DSCAM: variants seen among roughly 807,000 people sequenced by gnomAD.
DSCAM encodes cell adhesion molecule DSCAM.
In DSCAM, 47 loss-of-function variants were observed where a neutral mutation model predicts 217.7. The ratio of observed to expected loss-of-function variants is 0.22; its 90% confidence interval spans 0.17 to 0.28. The LOEUF (loss-of-function observed/expected upper bound fraction) is 0.28. Ranked by LOEUF, DSCAM falls within the 10% of genes least tolerant of loss-of-function variation. The pLI is 1.00. For synonymous variants in DSCAM, 1,056 were observed against 1,015.3 expected (o/e 1.04, Z -0.76); for missense variants, 2,080 against 2,618.3 (o/e 0.79, Z 4.49).
At chr21:40,060,294 T>C (rs934830348) in intron 28 of DSCAM, among the ~76,000 whole-genome samples, 1 of 152,238 alleles carries the variant, frequency 6.6e-6, no homozygotes, top group Non-Finnish European at 1.5e-5. Flanking sequence ...TGCTTGCTAA[T>C]GTCTTTCTCA....
chr21:40,079,123 C>T, intron 25 of DSCAM, 146 bp from the exon 26 acceptor site: 1 of 842,722 alleles, frequency 1.2e-6, no homozygotes, highest in Non-Finnish European at 1.8e-6. Flanking sequence ...AACTTGTCCC[C>T]TGTTAATAGA....
At chr21:40,290,813 T>C (rs2073882749) in intron 10 of DSCAM, among the ~76,000 whole-genome samples, 1 of 151,772 alleles carries the variant, frequency 6.6e-6, no homozygotes, top group Admixed American at 6.6e-5. Flanking sequence ...CAGAAAGAGG[T>C]TGGAATATTC....
At position 40,800,660 on chromosome 21, in the gene DSCAM, A is replaced by G. The variant is rs183485349; in HGVS notation, c.43+45959T>C. The stretch of plus-strand genomic sequence containing the variant: ...GCTTTATGGAAGGCCAAACTTAAGA[A>G]TGATGAACTAGGATATCTGACACAA... On this transcript the variant is annotated intron_variant, in intron 1 of 32. Coordinates refer to ENST00000400454, the MANE Select transcript of DSCAM (RefSeq NM_001389.5). 1.9e-3 allele frequency among the ~76,000 whole-genome samples: 285 copies of G among 152,006 alleles called. 1 individual carries two copies. The highest frequency in any genetic ancestry group is 3.4e-3 in the Middle Eastern group (1 of 292).
Position 40,376,589 on chromosome 21 carries a change from T to TAG in DSCAM, c.509-7345_509-7344insCT, listed in dbSNP as rs1555911108. ...ATCTTATATCGATATCTATATATCTTATATCGATATCTATATATCTTATAT... is the reference window on the plus strand; with the variant it reads ...ATCTTATATCGATATCTATATATCTTAGATATCGATATCTATATATCTTATAT... On this transcript the variant is annotated intron_variant, in intron 3 of 32. Transcript: ENST00000400454. 2.3e-3 allele frequency among the ~76,000 whole-genome samples: 32 copies of TAG among 14,052 alleles called. 1 individual carries two copies. Among genetic ancestry groups the TAG allele is most frequent in the African/African-American group, 6.7e-3 (24 of 3,596 alleles). 9.2% of individuals were successfully genotyped at this position (14,052 alleles called of 152,430 possible). A position where few individuals can be genotyped will look rare whatever the true frequency, so the allele number is the denominator to read the frequency against.
chr21:40,463,361 T>C (rs1372216983), intron 3 of DSCAM, among the ~76,000 whole-genome samples: 1 of 152,138 alleles, frequency 6.6e-6, no homozygotes, highest in Non-Finnish European at 1.5e-5. Context: ...CTTCTGTCCA[T>C]CTCAATCAGC....
intron 27 of DSCAM, among the ~76,000 whole-genome samples, chr21:40,071,640 AT>A (rs2146537280): frequency 6.6e-6 from 1 of 152,282 alleles, no homozygotes; most frequent in East Asian, 1.9e-4. Flanking sequence ...TCCATTTTTG[AT>A]CCTGATAGAT....
In DSCAM at chr21:40,109,622, C is replaced by T. The variant is rs368990731; in HGVS notation, c.3696+14573G>A. Among the ~76,000 whole-genome samples, 97 of 152,334 alleles carry T rather than the reference C, an allele frequency of 6.4e-4. 1 individual carries two copies. The highest frequency in any genetic ancestry group is 2.7e-3 in the South Asian group (13 of 4,822). On this transcript the variant is annotated intron_variant, in intron 20 of 32. Coordinates refer to ENST00000400454, the MANE Select transcript of DSCAM (RefSeq NM_001389.5). ...CATGAGGCAAAGCAGGGCGAGGCAT[C>T]GCCTCACCCAGGAAGCACAAGGGTT...
chr21:40,152,235 G>A (rs16999381), intron 16 of DSCAM, among the ~76,000 whole-genome samples: 8,881 of 152,240 alleles, frequency 0.058, 444 homozygotes, highest in African/African-American at 0.13. Context: ...ATGTGTTTAA[G>A]TTAAAGAAAT....
At chr21:40,586,340 G>A (rs572211295) in intron 3 of DSCAM, among the ~76,000 whole-genome samples, 2 of 152,298 alleles carry the variant, frequency 1.3e-5, no homozygotes, top group South Asian at 2.1e-4. Flanking sequence ...CCAGTCTCAC[G>A]TAATCCTTTA....
intron 16 of DSCAM, among the ~76,000 whole-genome samples, chr21:40,158,733 A>G (rs1361883633): frequency 6.6e-6 from 1 of 152,250 alleles, no homozygotes; most frequent in East Asian, 1.9e-4. Flanking sequence ...TCAAATTGTT[A>G]CTGGCAGGCA....
At chr21:40,508,768 TA>T (rs2146053791) in intron 3 of DSCAM, among the ~76,000 whole-genome samples, 1 of 5,810 alleles carries the variant, frequency 1.7e-4, no homozygotes, top group Non-Finnish European at 3.1e-4. Context: ...TATATATATA[TA>T]TATATATATA....
At chr21:40,814,659 G>C (rs1222692228) in intron 1 of DSCAM, among the ~76,000 whole-genome samples, 1 of 152,136 alleles carries the variant, frequency 6.6e-6, no homozygotes, top group East Asian at 1.9e-4. Context: ...AGCGGGAAAA[G>C]GATATAATGG....
chr21:40,409,825 G>A (rs1055014333), intron 3 of DSCAM, among the ~76,000 whole-genome samples: 1 of 152,282 alleles, frequency 6.6e-6, no homozygotes, highest in South Asian at 2.1e-4. Context: ...AAGGCTTGAT[G>A]GAATCATATT....
chr21:40,538,290 A>G (rs570329142), intron 3 of DSCAM, among the ~76,000 whole-genome samples: 6 of 134,252 alleles, frequency 4.5e-5, no homozygotes, highest in African/African-American at 2.0e-4. Flanking sequence ...TATGAATCCA[A>G]AGCTAACCCC....
intron 1 of DSCAM, among the ~76,000 whole-genome samples, chr21:40,772,357 C>T (rs1278991902): frequency 2.0e-5 from 3 of 152,066 alleles, no homozygotes; most frequent in South Asian, 2.1e-4. Context: ...TTAATAGAGA[C>T]GGGGTTTCAC....
intron 32 of DSCAM, among the ~76,000 whole-genome samples, chr21:40,015,561 C>G (rs1456380416): frequency 6.6e-6 from 1 of 152,104 alleles, no homozygotes; most frequent in Middle Eastern, 3.2e-3. Flanking sequence ...TCCAGAGTAG[C>G]TAGGGCTACA....
chr21:40,321,442 A>G (rs908469848), intron 8 of DSCAM, among the ~76,000 whole-genome samples: 4 of 152,178 alleles, frequency 2.6e-5, no homozygotes, highest in Admixed American at 6.5e-5. Context: ...AGCTTCGAAT[A>G]ATAAAAGCGT....
chr21:40,148,554 C>T (rs2090384968), intron 16 of DSCAM, among the ~76,000 whole-genome samples: 1 of 152,040 alleles, frequency 6.6e-6, no homozygotes, highest in Non-Finnish European at 1.5e-5. Context: ...AGTGTGCTAA[C>T]TCATCTCTAG....
chr21:40,028,988 T>A lies in DSCAM; in HGVS notation c.5686+13383A>T, dbSNP rs1041931905. On this transcript the variant is annotated intron_variant, in intron 32 of 32. Coordinates refer to ENST00000400454, the MANE Select transcript of DSCAM (RefSeq NM_001389.5). ...ATTTTAATGCTACCTGAATTTTGAATTTGCCTGTACAATTACAAGTCCTAA... is the reference window on the plus strand; with the variant it reads ...ATTTTAATGCTACCTGAATTTTGAAATTGCCTGTACAATTACAAGTCCTAA... Among the ~76,000 whole-genome samples, 3 of 151,806 alleles carry A rather than the reference T, an allele frequency of 2.0e-5. No homozygotes were observed. The South Asian group carries it at 6.2e-4, about 31-fold the overall frequency.
Sources: allele counts gnomAD v4.1 joint callset (sites outside exome capture counted in the v4.1 genomes callset), GRCh38; gene constraint gnomAD v4.1.1; transcripts MANE v1.5; gene names NCBI Gene and HGNC (gene_info 2026-07-23, HGNC 2026-07-21).